Variants in ZNF442 observed in about 807,000 individuals in gnomAD.
ZNF442 encodes zinc finger protein 442.
Under a neutral mutation model 57.0 loss-of-function variants are expected in ZNF442, and 45 were observed. The observed-to-expected ratio is 0.79, with a 90% CI of 0.62 to 1.01. The LOEUF (loss-of-function observed/expected upper bound fraction) is 1.01, where lower values mean the gene tolerates loss of function less well. Among genes scored for constraint, ZNF442 ranks in the 50% least tolerant of loss-of-function variants. The pLI is 0.00. For missense variants in ZNF442, 690 were observed against 756.5 expected (o/e 0.91, Z 1.03); for synonymous variants, 213 against 241.8 (o/e 0.88, Z 1.10).
At chr19:12,355,056 T>C (rs917501316) in intron 3 of ZNF442, among the ~76,000 whole-genome samples, 4 of 151,906 alleles carry the variant, frequency 2.6e-5, no homozygotes, top group African/African-American at 4.8e-5. Context: ...CTTTGGAAGG[T>C]TGAGGCAGGC....
At chr19:12,357,895 T>G (rs1969359898) in intron 3 of ZNF442, among the ~76,000 whole-genome samples, 2 of 151,788 alleles carry the variant, frequency 1.3e-5, no homozygotes, top group Middle Eastern at 3.4e-3. Flanking sequence ...GAGTCTCCAC[T>G]GACCATCATT....
chr19:12,365,768 C>CT (rs953104604), upstream of ZNF442: 1 of 176,562 alleles, frequency 5.7e-6, no homozygotes, highest in East Asian at 1.4e-4. Context: ...AATTCCGCCC[C>CT]CCCAGGGAAC....
At chr19:12,370,330 C>T (rs1352458651), upstream of ZNF442, among the ~76,000 whole-genome samples, 1 of 151,958 alleles carries the variant, frequency 6.6e-6, no homozygotes, top group Non-Finnish European at 1.5e-5. Context: ...GAATCTAATG[C>T]TGCCTCTGAT....
chr19:12,365,498 G>T, intron 1 of ZNF442, 35 bp downstream of exon 1: 2 of 548,198 alleles, frequency 3.6e-6, no homozygotes, highest in Admixed American at 2.9e-5. Flanking sequence ...CCAGTCCTTC[G>T]CCCTGCCCCA....
chr19:12,373,678 C>T, the ZNF442 span: 10 of 303,120 alleles, frequency 3.3e-5, no homozygotes, highest in East Asian at 3.1e-4. Flanking sequence ...CAATATGTGC[C>T]GCCAGTGTTT....
At chr19:12,356,990 A>C (rs916776800) in intron 3 of ZNF442, among the ~76,000 whole-genome samples, 1 of 152,228 alleles carries the variant, frequency 6.6e-6, no homozygotes, top group African/African-American at 2.4e-5. Flanking sequence ...TTTCAACAAC[A>C]TCATAAGGTT....
chr19:12,368,280 G>A (rs936982826), upstream of ZNF442, among the ~76,000 whole-genome samples: 15 of 152,162 alleles, frequency 9.9e-5, no homozygotes, highest in Non-Finnish European at 1.6e-4. Flanking sequence ...AGGATTAAGA[G>A]ATTAAAGTAA....
chr19:12,353,094 A>T lies in ZNF442; in HGVS notation c.99T>A (p.Asp33Glu), dbSNP rs752936016. 1 of 1,613,262 alleles carries T rather than the reference A, an allele frequency of 6.2e-7. No individual in the cohort carries two copies. Among genetic ancestry groups the T allele is most frequent in the Admixed American group, 1.7e-5 (1 of 59,794 alleles). Residue 33 changes from aspartate to glutamate, a missense_variant, in exon 4 of 6, where the codon GAT becomes GAA. Asp to Glu is a conservative substitution (Grantham distance 45). Transcript: ENST00000242804. Reference sequence around the variant, plus strand: ...CTTCCTGGGTGAAGTTCACCGCCACATCCTCAAAGGCTACTGAATCCTGAA... The same window carrying T: ...CTTCCTGGGTGAAGTTCACCGCCACTTCCTCAAAGGCTACTGAATCCTGAA... ...RKQYDSVAFE[D>E]VAVNFTQEEW... is the part of the protein sequence containing the mutation.
Position 12,346,009 on chromosome 19 carries a change from A to C in ZNF442, c.*3692T>G, listed in dbSNP as rs1029325756. 1.3e-5 allele frequency: 2 copies of C among 152,192 alleles called. No individual in the cohort carries two copies. Among genetic ancestry groups the C allele is most frequent in the Admixed American group, 1.3e-4 (2 of 15,272 alleles). The allele number at this position is 152,192 out of a possible 1,614,324, so 9.4% of individuals were successfully genotyped here. A position where few individuals can be genotyped will look rare whatever the true frequency, so the allele number is the denominator to read the frequency against. ...AAGGCACAGACAACCAATAAAAGATAAACTGGACTACATCGAAATTAAAAA... is the reference window on the plus strand; with the variant it reads ...AAGGCACAGACAACCAATAAAAGATCAACTGGACTACATCGAAATTAAAAA... On this transcript the variant is annotated 3_prime_UTR_variant, in exon 6 of 6. Transcript: ENST00000242804.
intron 3 of ZNF442, 42 bp from the exon 4 acceptor site, chr19:12,353,156 A>AT (rs1318167932): frequency 6.5e-7 from 1 of 1,542,246 alleles, no homozygotes; most frequent in African/African-American, 1.4e-5. Context: ...GCTGAGACTG[A>AT]TAGTACCAAA....
At chr19:12,362,802 G>C (rs937510213) in intron 3 of ZNF442, among the ~76,000 whole-genome samples, 3 of 151,840 alleles carry the variant, frequency 2.0e-5, no homozygotes, top group Admixed American at 1.3e-4. Flanking sequence ...AGAGAAATCA[G>C]ATTGTTGTTG....
upstream of ZNF442, among the ~76,000 whole-genome samples, chr19:12,367,817 T>G (rs1969550799): frequency 6.6e-6 from 1 of 152,064 alleles, no homozygotes. Flanking sequence ...TACAGGCGCG[T>G]GCCACCATGC....
At position 12,350,725 on chromosome 19, in the gene ZNF442, T is replaced by C; in HGVS notation, c.860A>G (p.His287Arg). ...ACATTTATAGGGTTTTTCTCCAGTG[T>C]GAGTTCTTTCATGTCTTACATAGGA... Reference protein sequence around the residue: ...YSSYVRHERTHTGEKPYKCKR... With the variant: ...YSSYVRHERTRTGEKPYKCKR... Residue 287 changes from histidine (H) to arginine (R), a missense_variant, in exon 6 of 6, where the codon CAC (histidine) becomes CGC (arginine). Coordinates refer to ENST00000242804, the MANE Select transcript of ZNF442 (RefSeq NM_030824.3). The C allele has an allele frequency of 6.2e-7, 1 of 1,614,174 alleles. No individual in the cohort carries two copies. Among genetic ancestry groups the C allele is most frequent in the Non-Finnish European group, 8.5e-7 (1 of 1,180,034 alleles).
In ZNF442 at chr19:12,352,089, A is replaced by G; in HGVS notation, c.206-19T>C. The G allele has an allele frequency of 2.5e-6, 4 of 1,609,166 alleles. No homozygotes were observed. In the South Asian group the frequency reaches 4.4e-5, roughly 18 times the overall value. ...TTCATTCCTAAAAGGTGGACACAGA[A>G]AAAACACTGTAGATTATTATAAAAT... On this transcript the variant is annotated intron_variant, in intron 4 of 5. Transcript: ENST00000242804.
intron 3 of ZNF442, among the ~76,000 whole-genome samples, chr19:12,359,770 G>A (rs921300225): frequency 6.6e-6 from 1 of 152,068 alleles, no homozygotes; most frequent in Non-Finnish European, 1.5e-5. Context: ...ATGAGGTCAG[G>A]ATATCGAGAC....
chr19:12,368,621 G>A (rs752936624), upstream of ZNF442, among the ~76,000 whole-genome samples: 4 of 152,090 alleles, frequency 2.6e-5, no homozygotes, highest in East Asian at 5.8e-4. Flanking sequence ...AGCAAGTCAC[G>A]CCACCTGGTA....
At position 12,350,416 on chromosome 19, in the gene ZNF442, G is replaced by C; in HGVS notation, c.1169C>G (p.Ser390Ter). The C allele has an allele frequency of 6.2e-7, 1 of 1,613,586 alleles. No individual in the cohort carries two copies. The highest frequency in any genetic ancestry group is 8.5e-7 in the Non-Finnish European group (1 of 1,179,896). The change falls in exon 6 of 6, where the codon TCA becomes TGA. Residue 390 changes from serine (S) to a stop codon, truncating the protein, a stop_gained. Coordinates refer to ENST00000242804, the MANE Select transcript of ZNF442 (RefSeq NM_030824.3). LOFTEE classifies it high-confidence loss of function. ...KQCGKALSHH[S>*]SFRSHMIMHT... Reference sequence around the variant, plus strand: ...CATTATCATATGACTTCGAAAGCTTGAGTGATGAGATAACGCTTTCCCACA... The same window carrying C: ...CATTATCATATGACTTCGAAAGCTTCAGTGATGAGATAACGCTTTCCCACA...
intron 2 of ZNF442, among the ~76,000 whole-genome samples, 165 bp from the exon 3 acceptor site, chr19:12,363,836 T>C (rs780943474): frequency 3.2e-4 from 49 of 152,324 alleles, no homozygotes; most frequent in South Asian, 4.1e-4. Context: ...CAGGGACTGA[T>C]ATTCACTGGA....
chr19:12,360,980 T>C (rs776626052), intron 3 of ZNF442, among the ~76,000 whole-genome samples: 111 of 152,178 alleles, frequency 7.3e-4, no homozygotes, highest in Non-Finnish European at 1.1e-3. Context: ...TCATTTGAGG[T>C]TGGGAGTTCA....
Sources: allele counts gnomAD v4.1 joint callset (sites outside exome capture counted in the v4.1 genomes callset), GRCh38; gene constraint gnomAD v4.1.1; transcripts MANE v1.5; gene names NCBI Gene and HGNC (gene_info 2026-07-23, HGNC 2026-07-21).